The following RORA variants were observed in gnomAD, a reference collection of about 807,000 sequenced individuals.
The protein encoded by RORA is nuclear receptor ROR-alpha.
RORA carries 7 observed loss-of-function variants against 69.5 expected under a neutral mutation model. The observed-to-expected ratio is 0.10, with a 90% confidence interval of 0.06 to 0.19. The LOEUF (loss-of-function observed/expected upper bound fraction) is 0.19. RORA is among the 10% of genes least tolerant of loss of function. The probability of loss-of-function intolerance (pLI) is 1.00; values close to 1 mark genes in which losing one functional copy is unlikely to be tolerated. For synonymous variants in RORA, 261 were observed against 240.8 expected (o/e 1.08, Z -0.78); for missense variants, 457 against 663.0 (o/e 0.69, Z 3.41).
chr15:61,049,098 T>G (rs1897177945), intron 1 of RORA, among the ~76,000 whole-genome samples: 1 of 152,202 alleles, frequency 6.6e-6, no homozygotes. Context: ...GGACCTGAAA[T>G]GCTGGAGGCT....
intron 1 of RORA, among the ~76,000 whole-genome samples, chr15:61,124,993 A>G (rs1399859056): frequency 6.6e-6 from 1 of 152,238 alleles, no homozygotes; most frequent in Non-Finnish European, 1.5e-5. Flanking sequence ...GCAAAAACGC[A>G]AAAGAAAAAG....
At chr15:60,933,797 C>T (rs1892440349) in intron 1 of RORA, among the ~76,000 whole-genome samples, 1 of 152,146 alleles carries the variant, frequency 6.6e-6, no homozygotes, top group Non-Finnish European at 1.5e-5. Context: ...TAATAAAAAC[C>T]AGCCCAGACA....
intron 1 of RORA, among the ~76,000 whole-genome samples, chr15:60,692,951 GAGGCC>G (rs1567158468): frequency 6.6e-6 from 1 of 152,140 alleles, no homozygotes. Flanking sequence ...CACATTCTAT[GAGGCC>G]AGCATCATCC....
chr15:61,051,984 T>C (rs1042965566), intron 1 of RORA, among the ~76,000 whole-genome samples: 13 of 152,252 alleles, frequency 8.5e-5, no homozygotes, highest in Admixed American at 8.5e-4. Context: ...GCTTGCTTTC[T>C]TGTGCAGCCT....
intron 1 of RORA, among the ~76,000 whole-genome samples, chr15:60,742,922 T>C (rs754737732): frequency 7.2e-5 from 11 of 152,164 alleles, no homozygotes; most frequent in Non-Finnish European, 1.3e-4. Context: ...TTTCATATCT[T>C]GACTATTGTG....
intron 1 of RORA, among the ~76,000 whole-genome samples, chr15:60,849,334 C>A (rs148116593): frequency 6.8e-4 from 103 of 152,302 alleles, no homozygotes; most frequent in African/African-American, 2.4e-3. Context: ...ACAAGTAGCT[C>A]TTTGAAACAT....
At chr15:61,221,512 TA>T (rs1277536136) in intron 1 of RORA, among the ~76,000 whole-genome samples, 4 of 152,250 alleles carry the variant, frequency 2.6e-5, no homozygotes, top group Admixed American at 6.5e-5. Context: ...TAAGCCCGTT[TA>T]CTTTCCCCCA....
intron 1 of RORA, among the ~76,000 whole-genome samples, chr15:60,883,503 A>T (rs1347567509): frequency 6.6e-6 from 1 of 151,704 alleles, no homozygotes; most frequent in Non-Finnish European, 1.5e-5. Context: ...TCTCCCCATT[A>T]AACTGAAGTC....
At chr15:61,167,448 G>A (rs2079547649) in intron 1 of RORA, among the ~76,000 whole-genome samples, 1 of 135,756 alleles carries the variant, frequency 7.4e-6, no homozygotes, top group Non-Finnish European at 1.6e-5. Flanking sequence ...TAAGCCTTTA[G>A]AACTCTTTAA....
At chr15:60,679,643 C>T (rs776806556) in intron 1 of RORA, among the ~76,000 whole-genome samples, 5 of 152,122 alleles carry the variant, frequency 3.3e-5, no homozygotes, top group Non-Finnish European at 7.4e-5. Flanking sequence ...ACTATTTAAC[C>T]CTCCTTTGGA....
At chr15:60,949,585 G>T (rs2140332470) in intron 1 of RORA, among the ~76,000 whole-genome samples, 1 of 152,268 alleles carries the variant, frequency 6.6e-6, no homozygotes, top group East Asian at 1.9e-4. Context: ...TCTGAACTCT[G>T]AGCTGGACAC....
At chr15:60,804,583 A>AAATGTGGCTT (rs2072633378) in intron 1 of RORA, among the ~76,000 whole-genome samples, 1 of 152,208 alleles carries the variant, frequency 6.6e-6, no homozygotes, top group Non-Finnish European at 1.5e-5. Context: ...AGGGCCATTT[A>AAATGTGGCTT]AAATGTGGCT....
chr15:60,846,115 TA>T (rs1233420877), intron 1 of RORA, among the ~76,000 whole-genome samples: 1 of 152,180 alleles, frequency 6.6e-6, no homozygotes, highest in Non-Finnish European at 1.5e-5. Context: ...TCCAGAGAGA[TA>T]AAGTAACTTG....
chr15:61,035,675 A>G (rs746304538), intron 1 of RORA, among the ~76,000 whole-genome samples: 1 of 152,170 alleles, frequency 6.6e-6, no homozygotes, highest in Non-Finnish European at 1.5e-5. Flanking sequence ...ATCACTCACT[A>G]TGAAATGTCA....
At chr15:61,189,908 CA>C (rs1293747679) in intron 1 of RORA, among the ~76,000 whole-genome samples, 2 of 142,328 alleles carry the variant, frequency 1.4e-5, no homozygotes, top group Non-Finnish European at 3.0e-5. Context: ...ATTATTCCAG[CA>C]TTATTTATCA....
At chr15:60,590,535 A>G (rs139530262) in intron 2 of RORA, among the ~76,000 whole-genome samples, 2 of 152,298 alleles carry the variant, frequency 1.3e-5, no homozygotes, top group Non-Finnish European at 2.9e-5. Context: ...CAATCAACAC[A>G]AAGTATATTA....
At chr15:60,528,860 G>C (rs547175790) in intron 3 of RORA, 1 of 152,222 alleles carries the variant, frequency 6.6e-6, no homozygotes, top group South Asian at 2.1e-4. Context: ...AGTGGTATAG[G>C]TGCTCAAGCT....
At chr15:60,614,661 G>A (rs1283161901) in intron 2 of RORA, among the ~76,000 whole-genome samples, 3 of 152,154 alleles carry the variant, frequency 2.0e-5, no homozygotes, top group Non-Finnish European at 4.4e-5. Flanking sequence ...AAAGAACAAG[G>A]TCTTCAGGGC....
rs1008716017 is a variant in RORA at position 61,138,839 on chromosome 15, A to T, written c.166+90214T>A. Among the ~76,000 whole-genome samples the T allele has an allele frequency of 1.1e-3, 166 of 152,320 alleles. 1 individual carries two copies. Among genetic ancestry groups the T allele is most frequent in the African/African-American group, 3.9e-3 (162 of 41,578 alleles). ...ACACTGCATAAAATAAAATAAAAAA[A>T]TAAATTAAATTTAAAAAAAACACAG... On this transcript the variant is annotated intron_variant, in intron 1 of 10. Coordinates refer to ENST00000335670, the MANE Select transcript of RORA (RefSeq NM_134261.3).
Sources: gnomAD v4.1 joint callset for allele counts (sites outside exome capture counted in the v4.1 genomes callset) on GRCh38, gnomAD v4.1.1 for gene constraint, MANE v1.5 for transcripts, NCBI Gene and HGNC (gene_info 2026-07-23, HGNC 2026-07-21) for gene names.